The following MBOAT1 variants were observed in gnomAD, a reference collection of about 807,000 sequenced individuals.
MBOAT1 encodes the protein membrane bound glycerophospholipid O-acyltransferase 1, also known as membrane-bound glycerophospholipid O-acyltransferase 1.
In MBOAT1, 67 loss-of-function variants were observed where a neutral mutation model predicts 64.4. The ratio of observed to expected loss-of-function variants is 1.04; its 90% CI spans 0.85 to 1.27. The LOEUF is 1.27. Among genes scored for constraint, MBOAT1 ranks in the 50% most tolerant of loss-of-function variants. MBOAT1 has a pLI of 0.00. For synonymous variants in MBOAT1, 229 were observed against 218.9 expected (o/e 1.05, Z -0.41); for missense variants, 563 against 604.6 (o/e 0.93, Z 0.72).
At chr6:20,128,508 T>A (rs1760724642) in intron 6 of MBOAT1, among the ~76,000 whole-genome samples, 191 bp downstream of exon 6, 1 of 152,216 alleles carries the variant, frequency 6.6e-6, no homozygotes, top group Admixed American at 6.5e-5. Context: ...TAGTACAAGG[T>A]TATTCATCAC....
At chr6:20,185,131 T>G (rs1190342158) in intron 1 of MBOAT1, among the ~76,000 whole-genome samples, 1 of 151,990 alleles carries the variant, frequency 6.6e-6, no homozygotes, top group Non-Finnish European at 1.5e-5. Context: ...ATGCCTCAAG[T>G]ATCAGCTACT....
intron 3 of MBOAT1, among the ~76,000 whole-genome samples, chr6:20,144,973 A>G (rs1316846803): frequency 6.6e-6 from 1 of 152,072 alleles, no homozygotes. Flanking sequence ...TGTGTTCCTG[A>G]CTGCCTTATA....
In MBOAT1 at chr6:20,115,300, G is replaced by A; in HGVS notation, c.1064C>T (p.Thr355Ile). 6.2e-7 allele frequency: 1 copy of A among 1,613,798 alleles called. No homozygotes were observed. Among genetic ancestry groups the A allele is most frequent in the South Asian group, 1.1e-5 (1 of 91,074 alleles). Residue 355 changes from threonine to isoleucine, a missense_variant, in exon 10 of 13, where the codon ACT (threonine) becomes ATT (isoleucine). Physicochemically the swap from Thr to Ile is moderately conservative, Grantham distance 89. Coordinates refer to ENST00000324607, the MANE Select transcript of MBOAT1 (RefSeq NM_001080480.3). ...YLENWNIQTA[T>I]WLKCVCYQRV... Reference sequence around the variant, plus strand: ...TTGTTTTTCTTACCACTTTAGCCAAGTAGCTGTCTGAATATTCCAGTTTTC... The same window carrying A: ...TTGTTTTTCTTACCACTTTAGCCAAATAGCTGTCTGAATATTCCAGTTTTC...
At chr6:20,152,387 T>TA (rs954977702) in intron 2 of MBOAT1, among the ~76,000 whole-genome samples, 1 of 33,436 alleles carries the variant, frequency 3.0e-5, no homozygotes, top group Non-Finnish European at 7.0e-5. Flanking sequence ...ATTAATTAAT[T>TA]AAAAAAAAGA....
intron 4 of MBOAT1, among the ~76,000 whole-genome samples, chr6:20,143,595 G>A (rs1327179810): frequency 6.6e-6 from 1 of 152,196 alleles, no homozygotes; most frequent in African/African-American, 2.4e-5. Flanking sequence ...CAGACCTGGA[G>A]CCTCTCAGAA....
intron 1 of MBOAT1, among the ~76,000 whole-genome samples, chr6:20,183,633 C>CA (rs1273749793): frequency 6.6e-6 from 1 of 152,208 alleles, no homozygotes; most frequent in African/African-American, 2.4e-5. Flanking sequence ...AGTCCACCAA[C>CA]AAAAATCAGA....
chr6:20,131,844 T>C (rs1012228900), intron 4 of MBOAT1, among the ~76,000 whole-genome samples: 1 of 152,102 alleles, frequency 6.6e-6, no homozygotes. Context: ...ACCATCAGCA[T>C]GCCCAGGAGC....
chr6:20,161,428 C>T (rs1761855089), intron 1 of MBOAT1, among the ~76,000 whole-genome samples: 1 of 151,750 alleles, frequency 6.6e-6, no homozygotes, highest in Non-Finnish European at 1.5e-5. Context: ...TGAAATCATC[C>T]CCATCCCCCA....
intron 1 of MBOAT1, among the ~76,000 whole-genome samples, chr6:20,153,035 C>T (rs1305812131): frequency 1.3e-5 from 2 of 152,112 alleles, no homozygotes; most frequent in Non-Finnish European, 2.9e-5. Flanking sequence ...AGGGTTTCAC[C>T]GTGTTAGCAA....
intron 1 of MBOAT1, among the ~76,000 whole-genome samples, chr6:20,184,048 C>T (rs1268380543): frequency 6.6e-6 from 1 of 152,226 alleles, no homozygotes; most frequent in Non-Finnish European, 1.5e-5. Context: ...CCTCACATAA[C>T]ACGTGGGAAT....
chr6:20,194,612 C>T (rs932435917), intron 1 of MBOAT1, among the ~76,000 whole-genome samples: 2 of 152,198 alleles, frequency 1.3e-5, no homozygotes, highest in Non-Finnish European at 2.9e-5. Flanking sequence ...ATCCACAGAG[C>T]TACCACTGTT....
chr6:20,109,246 T>C (rs1469770087), intron 12 of MBOAT1, among the ~76,000 whole-genome samples: 1 of 152,146 alleles, frequency 6.6e-6, no homozygotes, highest in Non-Finnish European at 1.5e-5. Context: ...GAACACGTCA[T>C]AGTCCCCAGT....
Position 20,212,444 on chromosome 6 carries a change from C to G in MBOAT1, c.-210G>C, listed in dbSNP as rs956312004. 7.0e-6 allele frequency: 4 copies of G among 569,710 alleles called. No individual in the cohort carries two copies. In the East Asian group the frequency reaches 1.2e-4, roughly 18 times the overall value. The allele number at this position is 569,710 out of a possible 1,614,324, so 35.3% of individuals were successfully genotyped here. On this transcript the variant is annotated 5_prime_UTR_variant, in exon 1 of 13. Transcript: ENST00000324607. Reference sequence around the variant, plus strand: ...CGCAAACTTGGCTTTGGCGCTGGCGCTGCAGCCACGGGCGCCGTAGGAGGG... The same window carrying G: ...CGCAAACTTGGCTTTGGCGCTGGCGGTGCAGCCACGGGCGCCGTAGGAGGG...
chr6:20,179,921 G>C, intron 1 of MBOAT1, among the ~76,000 whole-genome samples: 1 of 99,356 alleles, frequency 1.0e-5, no homozygotes, highest in Non-Finnish European at 2.0e-5. Context: ...GTGATGTTGA[G>C]CTTTTTTTCA....
At chr6:20,202,923 G>T (rs1763163102) in intron 1 of MBOAT1, among the ~76,000 whole-genome samples, 1 of 152,136 alleles carries the variant, frequency 6.6e-6, no homozygotes, top group African/African-American at 2.4e-5. Flanking sequence ...GACATAAACT[G>T]AATTCTTTAT....
rs550805183 is a variant in MBOAT1, at chr6:20,130,417, G to A, written c.475+727C>T. 5.7e-4 allele frequency among the ~76,000 whole-genome samples: 87 copies of A among 152,154 alleles called. 1 individual carries two copies. The highest frequency in any genetic ancestry group is 2.0e-3 in the African/African-American group (85 of 41,508). ...CACCCAGGCTGGAGTGCAGTGGCGCGATCTCGGCTCACTGCAACCTCTGCC... is the reference window on the plus strand; with the variant it reads ...CACCCAGGCTGGAGTGCAGTGGCGCAATCTCGGCTCACTGCAACCTCTGCC... On this transcript the variant is annotated intron_variant, in intron 5 of 12. Coordinates refer to ENST00000324607, the MANE Select transcript of MBOAT1 (RefSeq NM_001080480.3).
At chr6:20,148,099 A>C (rs935506787) in intron 3 of MBOAT1, among the ~76,000 whole-genome samples, 4 of 152,240 alleles carry the variant, frequency 2.6e-5, no homozygotes, top group Non-Finnish European at 5.9e-5. Flanking sequence ...AAACCCTCTA[A>C]ACAAATGCTG....
intron 4 of MBOAT1, among the ~76,000 whole-genome samples, chr6:20,135,268 C>A (rs1760951961): frequency 1.3e-5 from 2 of 151,770 alleles, no homozygotes; most frequent in African/African-American, 4.8e-5. Context: ...AAACTAAGAT[C>A]ATTAGTCAAG....
chr6:20,202,776 T>C (rs1763159854), intron 1 of MBOAT1, among the ~76,000 whole-genome samples: 1 of 152,206 alleles, frequency 6.6e-6, no homozygotes, highest in Non-Finnish European at 1.5e-5. Context: ...CGACTCTCTA[T>C]CCTTGTGTTT....
Sources: gnomAD v4.1 joint callset for allele counts (sites outside exome capture counted in the v4.1 genomes callset) on GRCh38, gnomAD v4.1.1 for gene constraint, MANE v1.5 for transcripts, NCBI Gene and HGNC (gene_info 2026-07-23, HGNC 2026-07-21) for gene names.